RNF215: variants seen among roughly 807,000 people sequenced by gnomAD.
The protein encoded by RNF215 is ring finger protein 215.
A neutral mutation model predicts 44.8 loss-of-function variants in RNF215; 41 were observed. The observed-to-expected ratio is 0.92, with a 90% CI of 0.71 to 1.19. The LOEUF (loss-of-function observed/expected upper bound fraction) is 1.19. RNF215 is among the 50% of genes most tolerant of loss of function. The pLI is 0.00. For synonymous variants in RNF215, 218 were observed against 230.1 expected (o/e 0.95, Z 0.48); for missense variants, 452 against 496.2 (o/e 0.91, Z 0.85).
chr22:30,386,167 C>A, intron 2 of RNF215, 26 bp from the exon 3 acceptor site: 1 of 1,565,638 alleles, frequency 6.4e-7, no homozygotes, highest in Admixed American at 1.9e-5. Flanking sequence ...AGGCGAGAGG[C>A]TAGCATATAC....
At position 30,379,583 on chromosome 22, in the gene RNF215, A is replaced by G. The variant is rs1933491083; in HGVS notation, c.*17T>C. ...GCAGGAAGGGTCCATCCCCATGTGC[A>G]GAGTCCAGCTGGGCAGCTAATCATC... On this transcript the variant is annotated 3_prime_UTR_variant, in exon 9 of 9. Transcript: ENST00000382363. 3.9e-6 allele frequency: 6 copies of G among 1,549,924 alleles called. No homozygotes were observed. The highest frequency in any genetic ancestry group is 2.4e-5 in the East Asian group (1 of 40,914).
At chr22:30,383,633 G>C (rs1008792344) in intron 5 of RNF215, among the ~76,000 whole-genome samples, 2 of 152,190 alleles carry the variant, frequency 1.3e-5, no homozygotes, top group African/African-American at 4.8e-5. Flanking sequence ...AAATGCTTGT[G>C]GACAGAATAC....
chr22:30,379,999 C>T, intron 7 of RNF215, 63 bp downstream of exon 7: 7 of 1,603,588 alleles, frequency 4.4e-6, no homozygotes, highest in Non-Finnish European at 5.1e-6. Context: ...TTCCAAGGTC[C>T]CAGGAGTAAG....
chr22:30,380,479 C>A lies in RNF215; in HGVS notation c.745-78G>T. 1 of 1,509,262 alleles carries A rather than the reference C, an allele frequency of 6.6e-7. No individual in the cohort carries two copies. Among genetic ancestry groups the A allele is most frequent in the Non-Finnish European group, 8.9e-7 (1 of 1,126,376 alleles). 93.5% of individuals were successfully genotyped at this position (1,509,262 alleles called of 1,614,324 possible). A position where few individuals can be genotyped will look rare whatever the true frequency, so the allele number is the denominator to read the frequency against. On this transcript the variant is annotated intron_variant, in intron 5 of 8. Coordinates refer to ENST00000382363, the MANE Select transcript of RNF215 (RefSeq NM_001017981.2). The surrounding 1 kb of genome is among the most constrained non-coding windows in gnomAD (Gnocchi z 5.3). ...TTAGGAACATCTACCCCCAGGAACG[C>A]CAGGGAGCAGGCAGGTGAGGTATGC...
rs1029583112 is a variant in RNF215 at position 30,379,776 on chromosome 22, C to T, written c.1046G>A (p.Arg349Gln). Residue 349 changes from arginine (R) to glutamine (Q), a missense_variant, in exon 8 of 9, where the codon CGA becomes CAA. By Grantham distance (43) the Arg-to-Gln change is conservative. Coordinates refer to ENST00000382363, the MANE Select transcript of RNF215 (RefSeq NM_001017981.2). ...RVLPCKHEFH[R>Q]DCVDPWLMLQ... ...CATCAGCCAGGGGTCCACACAGTCT[C>T]GGTGAAACTCGTGCTTACAGGGCAG... 1.5e-5 allele frequency: 24 copies of T among 1,569,774 alleles called. No homozygotes were observed. The highest frequency in any genetic ancestry group is 1.9e-5 in the Admixed American group (1 of 52,340).
In RNF215 at chr22:30,386,094, G is replaced by C; in HGVS notation, c.477C>G (p.Ile159Met). The change falls in exon 3 of 9, where the codon ATC (isoleucine) becomes ATG (methionine). Residue 159 changes from isoleucine (I) to methionine (M), a missense_variant. Ile to Met is a conservative substitution (Grantham distance 10). Coordinates refer to ENST00000382363, the MANE Select transcript of RNF215 (RefSeq NM_001017981.2). The stretch of plus-strand genomic sequence containing the variant: ...CCTCTCGGACCACGTTGTGGTTCAG[G>C]ATGAGAAGAAGCAGGGCAGAGGCAC... ...FLGASALLLL[I>M]LNHNVVRELD... 1 of 1,610,156 alleles carries C rather than the reference G, an allele frequency of 6.2e-7. No homozygotes were observed. Among genetic ancestry groups the C allele is most frequent in the Non-Finnish European group, 8.5e-7 (1 of 1,178,384 alleles).
At position 30,380,493 on chromosome 22, in the gene RNF215, G is replaced by A; in HGVS notation, c.745-92C>T. The A allele has an allele frequency of 6.8e-7, 1 of 1,471,744 alleles. No individual in the cohort carries two copies. The highest frequency in any genetic ancestry group is 9.1e-7 in the Non-Finnish European group (1 of 1,099,446). The allele number at this position is 1,471,744 out of a possible 1,614,324, so 91.2% of individuals were successfully genotyped here. A position where few individuals can be genotyped will look rare whatever the true frequency, so the allele number is the denominator to read the frequency against. On this transcript the variant is annotated intron_variant, in intron 5 of 8. Transcript: ENST00000382363. The surrounding 1 kb of genome is among the most constrained non-coding windows in gnomAD (Gnocchi z 5.3). ...CCCCAGGAACGCCAGGGAGCAGGCA[G>A]GTGAGGTATGCTGACGGCCTCTGTG...
intron 4 of RNF215, chr22:30,384,815 CTTTT>C (rs34475564): frequency 1.6e-4 from 27 of 172,206 alleles, no homozygotes; most frequent in Non-Finnish European, 2.4e-4. Context: ...GACAGTCTTT[CTTTT>C]TTTTTTTTTT....
In RNF215 at chr22:30,380,290, C is replaced by T. The variant is rs759005169; in HGVS notation, c.856G>A (p.Gly286Arg). 3.5e-5 allele frequency: 56 copies of T among 1,610,416 alleles called. No homozygotes were observed. The highest frequency in any genetic ancestry group is 4.4e-5 in the Non-Finnish European group (52 of 1,178,198). ...CTGGGGCTGGCTCCCACCTGGCCTC[C>T]GAGCTCCCGCTGGCTCTGCCGCGAC... is the stretch of plus-strand genomic sequence containing the variant. The part of the protein sequence containing the change: ...QASRQSQREL[G>R]GQVDLFKRRV... Residue 286 changes from glycine to arginine, a missense_variant, in exon 6 of 9, where the codon GGA becomes AGA. Transcript: ENST00000382363. The surrounding 1 kb of genome is among the most constrained non-coding windows in gnomAD (Gnocchi z 5.3).
At chr22:30,381,019 G>A (rs1405298037) in intron 5 of RNF215, among the ~76,000 whole-genome samples, 1 of 152,190 alleles carries the variant, frequency 6.6e-6, no homozygotes, top group African/African-American at 2.4e-5. Flanking sequence ...CTTCCCTGCA[G>A]TGCCACTTGC....
intron 7 of RNF215, 121 bp downstream of exon 7, chr22:30,379,941 C>T: frequency 2.6e-6 from 4 of 1,548,158 alleles, no homozygotes; most frequent in Non-Finnish European, 3.5e-6. Flanking sequence ...CCCTGAAATT[C>T]TGCTCTGTGG....
chr22:30,383,852 A>T (rs986563527), intron 5 of RNF215, among the ~76,000 whole-genome samples: 1 of 152,170 alleles, frequency 6.6e-6, no homozygotes, highest in East Asian at 1.9e-4. Context: ...TTTCCAAAGA[A>T]ACGTGGCAGG....
chr22:30,385,945 A>C lies in RNF215; in HGVS notation c.546T>G (p.His182Gln), dbSNP rs1933592105. The C allele has an allele frequency of 6.2e-7, 1 of 1,614,070 alleles. No individual in the cohort carries two copies. Among genetic ancestry groups the C allele is most frequent in the Admixed American group, 1.7e-5 (1 of 60,000 alleles). ...QLLLRPVIVL[H>Q]YSSNVTKLLD... Reference sequence around the variant, plus strand: ...ACAGCTTGGTGACATTGGAGGAATAATGGAGGACGATCACTGGCCTGAGCA... The same window carrying C: ...ACAGCTTGGTGACATTGGAGGAATACTGGAGGACGATCACTGGCCTGAGCA... Residue 182 changes from histidine to glutamine, a missense_variant, in exon 4 of 9, where the codon CAT becomes CAG. His to Gln is a conservative substitution (Grantham distance 24). Coordinates refer to ENST00000382363, the MANE Select transcript of RNF215 (RefSeq NM_001017981.2).
In RNF215 at chr22:30,379,361, G is replaced by T; in HGVS notation, c.*239C>A. 3.4e-6 allele frequency: 2 copies of T among 584,486 alleles called. No individual in the cohort carries two copies. The highest frequency in any genetic ancestry group is 6.0e-5 in the Admixed American group (2 of 33,284). 36.2% of individuals were successfully genotyped at this position (584,486 alleles called of 1,614,324 possible). A position where few individuals can be genotyped will look rare whatever the true frequency, so the allele number is the denominator to read the frequency against. On this transcript the variant is annotated 3_prime_UTR_variant, in exon 9 of 9. Coordinates refer to ENST00000382363, the MANE Select transcript of RNF215 (RefSeq NM_001017981.2). ...CTCACGTCACAGGATTGCAGAGAAG[G>T]TCCCAAAGTGACCTCTCTTCCTTGA...
chr22:30,386,906 T>C, intron 1 of RNF215, 123 bp downstream of exon 1: 1 of 1,476,844 alleles, frequency 6.8e-7, no homozygotes, highest in East Asian at 2.5e-5. Context: ...CTGGGGAGCC[T>C]GGGGAGGGGC....
At chr22:30,381,321 G>A (rs922494832) in intron 5 of RNF215, among the ~76,000 whole-genome samples, 3 of 152,140 alleles carry the variant, frequency 2.0e-5, no homozygotes, top group Admixed American at 6.5e-5. Context: ...CCATCTTTGT[G>A]GAATGAGTGA....
chr22:30,382,176 C>G (rs1385351970), intron 5 of RNF215, among the ~76,000 whole-genome samples: 1 of 152,028 alleles, frequency 6.6e-6, no homozygotes, highest in East Asian at 1.9e-4. Context: ...CCGAGGTGGG[C>G]GGATCACCTG....
intron 4 of RNF215, 90 bp downstream of exon 4, chr22:30,385,814 G>T: frequency 8.8e-7 from 1 of 1,139,456 alleles, no homozygotes; most frequent in Non-Finnish European, 1.3e-6. Context: ...TAACAGGTAA[G>T]GCCCTGGTCC....
At chr22:30,384,593 T>C in intron 4 of RNF215, 98 bp from the exon 5 acceptor site, 1 of 1,074,278 alleles carries the variant, frequency 9.3e-7, no homozygotes, top group Non-Finnish European at 1.3e-6. Context: ...TACCTACGAC[T>C]GTCGCCCCTG....
Sources: allele counts gnomAD v4.1 joint callset (sites outside exome capture counted in the v4.1 genomes callset), GRCh38; gene constraint gnomAD v4.1.1; non-coding constraint Gnocchi (gnomAD v3.1); transcripts MANE v1.5; gene names NCBI Gene and HGNC (gene_info 2026-07-23, HGNC 2026-07-21).